The following C6orf52 variants were observed in gnomAD, a reference collection of about 807,000 sequenced individuals.
The protein encoded by C6orf52 is putative uncharacterized protein C6orf52.
C6orf52 carries 16 observed loss-of-function variants against 16.6 expected under a neutral mutation model. The ratio of observed to expected loss-of-function variants is 0.96; its 90% CI spans 0.65 to 1.46. The LOEUF (loss-of-function observed/expected upper bound fraction) is 1.46, where lower values mean the gene tolerates loss of function less well. C6orf52 is among the 40% of genes most tolerant of loss of function. C6orf52 has a pLI of 0.00. For missense variants in C6orf52, 166 were observed against 182.3 expected (o/e 0.91, Z 0.52); for synonymous variants, 53 against 61.4 (o/e 0.86, Z 0.64).
rs923343481 is a variant in C6orf52, at chr6:10,683,197, G to T, written c.306C>A (p.Asp102Glu). The stretch of plus-strand genomic sequence containing the variant: ...CAAGGTTTATGTTACCTTCTAGTGG[G>T]TCTTCATCTTGGTTTTCAGCTAGAG... ...TTPLAENQDE[D>E]PLEDPHLHLN... Residue 102 changes from aspartate to glutamate, a missense_variant, in exon 4 of 5, where the codon GAC becomes GAA. By Grantham distance (45) the Asp-to-Glu change is conservative (BLOSUM62 2). Transcript: ENST00000259983. 6.5e-7 allele frequency: 1 copy of T among 1,545,420 alleles called. No individual in the cohort carries two copies. Among genetic ancestry groups the T allele is most frequent in the African/African-American group, 1.4e-5 (1 of 72,734 alleles).
intron 4 of C6orf52, among the ~76,000 whole-genome samples, chr6:10,678,094 G>A (rs1202079922): frequency 1.3e-5 from 2 of 148,714 alleles, no homozygotes; most frequent in Admixed American, 6.7e-5. Flanking sequence ...TGAGGCAGGA[G>A]AATTGCTTGA....
chr6:10,693,911 T>C (rs918404578), intron 1 of C6orf52, among the ~76,000 whole-genome samples: 2 of 152,126 alleles, frequency 1.3e-5, no homozygotes, highest in Non-Finnish European at 2.9e-5. Flanking sequence ...AACATTTTTG[T>C]AGAGACGGCA....
intron 4 of C6orf52, among the ~76,000 whole-genome samples, chr6:10,680,588 A>C (rs1768291299): frequency 6.6e-6 from 1 of 151,998 alleles, no homozygotes; most frequent in African/African-American, 2.4e-5. Context: ...ACATGGCATT[A>C]GTTCTTCTTT....
chr6:10,683,225 G>A lies in C6orf52; in HGVS notation c.278C>T (p.Thr93Ile), dbSNP rs1453546511. Residue 93 changes from threonine to isoleucine, a missense_variant, in exon 4 of 5, where the codon ACA (threonine) becomes ATA (isoleucine). Physicochemically the swap from Thr to Ile is moderately conservative, Grantham distance 89. Coordinates refer to ENST00000259983, the MANE Select transcript of C6orf52 (RefSeq NM_001145020.3). ...TTCATCTTGGTTTTCAGCTAGAGGT[G>A]TGGTTTCCTGCAACAAAATATTATC... ...AGTLVMPKET[T>I]PLAENQDEDP... The A allele has an allele frequency of 7.8e-6, 12 of 1,542,064 alleles. 1 individual carries two copies. The East Asian group carries it at 2.7e-4, about 35-fold the overall frequency.
At chr6:10,687,815 CCT>C (rs751542118) in intron 1 of C6orf52, among the ~76,000 whole-genome samples, 10 of 152,116 alleles carry the variant, frequency 6.6e-5, no homozygotes, top group South Asian at 2.1e-4. Context: ...CCTGCCAGCC[CCT>C]CTCTCCCAAC....
rs1768919510 is a variant in C6orf52, at chr6:10,687,078, G to A, written c.158C>T (p.Ser53Phe). The change falls in exon 3 of 5, where the codon TCT (serine) becomes TTT (phenylalanine). Residue 53 changes from serine to phenylalanine, a missense_variant. Coordinates refer to ENST00000259983, the MANE Select transcript of C6orf52 (RefSeq NM_001145020.3). The stretch of plus-strand genomic sequence containing the variant: ...ATAGCTGTAGCCAGAAAGAAGGTAA[G>A]AGCCGTGCTGTCGCGCATACCAGTT... ...YGNWYARQHG[S>F]YLLSGYSYGC... The A allele has an allele frequency of 1.3e-6, 2 of 1,551,894 alleles. No homozygotes were observed. Among genetic ancestry groups the A allele is most frequent in the South Asian group, 2.4e-5 (2 of 84,068 alleles).
intron 1 of C6orf52, 126 bp downstream of exon 1, chr6:10,694,368 G>A (rs1426052404): frequency 6.5e-6 from 1 of 153,196 alleles, no homozygotes; most frequent in African/African-American, 2.4e-5. Context: ...AAAGTGTGCA[G>A]GGCTGGGGTT....
intron 4 of C6orf52, among the ~76,000 whole-genome samples, chr6:10,673,671 G>A (rs1447761359): frequency 2.6e-5 from 4 of 152,142 alleles, no homozygotes; most frequent in Non-Finnish European, 5.9e-5. Context: ...ACATTTAAAA[G>A]TCTATTGCTT....
intron 4 of C6orf52, 109 bp from the exon 5 acceptor site, chr6:10,671,707 G>T (rs1481718160): frequency 6.7e-6 from 4 of 598,010 alleles, no homozygotes; most frequent in African/African-American, 3.9e-5. Context: ...AAGTACTGCA[G>T]ATAGTAAAGG....
chr6:10,684,667 T>G (rs1768704077), intron 3 of C6orf52, among the ~76,000 whole-genome samples: 1 of 151,726 alleles, frequency 6.6e-6, no homozygotes, highest in Non-Finnish European at 1.5e-5. Context: ...AACGTGAAAA[T>G]GTAAAGGAGA....
intron 1 of C6orf52, among the ~76,000 whole-genome samples, chr6:10,690,581 CT>C (rs1170823495): frequency 6.6e-6 from 1 of 152,166 alleles, no homozygotes; most frequent in African/African-American, 2.4e-5. Flanking sequence ...AGGATATCCA[CT>C]TTACCACCCT....
At chr6:10,684,571 G>T (rs546783376) in intron 3 of C6orf52, among the ~76,000 whole-genome samples, 1 of 152,346 alleles carries the variant, frequency 6.6e-6, no homozygotes, top group African/African-American at 2.4e-5. Flanking sequence ...ATTTATAAAA[G>T]GCTTTCCTCA....
intron 1 of C6orf52, among the ~76,000 whole-genome samples, chr6:10,691,931 G>A (rs535209479): frequency 9.2e-5 from 14 of 152,088 alleles, no homozygotes; most frequent in African/African-American, 3.4e-4. Context: ...TAAAATTCCT[G>A]GTTGGAACAA....
upstream of C6orf52, chr6:10,694,764 G>T: frequency 2.0e-6 from 1 of 499,546 alleles, no homozygotes; most frequent in South Asian, 2.5e-5. Context: ...ACCTCCTCAT[G>T]TGGCATCTTT....
chr6:10,694,598 A>ATTGTGT lies in C6orf52; in HGVS notation c.-117_-116insACACAA. Reference sequence around the variant, plus strand: ...GCACGCTGCCGGCGCTACAGCCCCTAAGCAACCGGCCGGAAGTCGGCCCCA... The same window carrying ATTGTGT: ...GCACGCTGCCGGCGCTACAGCCCCTATTGTGTAGCAACCGGCCGGAAGTCGGCCCCA... On this transcript the variant is annotated 5_prime_UTR_variant, in exon 1 of 5. Transcript: ENST00000259983. 4 of 172,160 alleles carry ATTGTGT rather than the reference A, an allele frequency of 2.3e-5. No individual in the cohort carries two copies. Among genetic ancestry groups the ATTGTGT allele is most frequent in the Non-Finnish European group, 3.8e-5 (3 of 79,020 alleles). 10.7% of individuals were successfully genotyped at this position (172,160 alleles called of 1,614,324 possible). A position where few individuals can be genotyped will look rare whatever the true frequency, so the allele number is the denominator to read the frequency against.
intron 4 of C6orf52, among the ~76,000 whole-genome samples, chr6:10,679,765 T>C (rs1768215514): frequency 6.6e-6 from 1 of 152,172 alleles, no homozygotes; most frequent in African/African-American, 2.4e-5. Context: ...ATAGAAGTAG[T>C]GAAAGTGGGC....
intron 3 of C6orf52, among the ~76,000 whole-genome samples, chr6:10,686,707 C>T (rs1581557371): frequency 6.6e-6 from 1 of 152,306 alleles, no homozygotes; most frequent in Admixed American, 6.5e-5. Context: ...CAAGTGAACA[C>T]TTCTAGTTTA....
intron 4 of C6orf52, among the ~76,000 whole-genome samples, 180 bp from the exon 5 acceptor site, chr6:10,671,778 T>TA (rs1344836756): frequency 6.6e-6 from 1 of 152,162 alleles, no homozygotes; most frequent in African/African-American, 2.4e-5. Context: ...ATTTAAGCTA[T>TA]AAAAGTAGTA....
chr6:10,671,800 C>T (rs975845405), intron 4 of C6orf52, among the ~76,000 whole-genome samples: 1 of 152,114 alleles, frequency 6.6e-6, no homozygotes, highest in African/African-American at 2.4e-5. Flanking sequence ...TGTCATCAAA[C>T]TCAATGAGCA....
Sources: allele counts gnomAD v4.1 joint callset (sites outside exome capture counted in the v4.1 genomes callset), GRCh38; gene constraint gnomAD v4.1.1; transcripts MANE v1.5; gene names NCBI Gene and HGNC (gene_info 2026-07-23, HGNC 2026-07-21).